LRRC37A2: variants seen among roughly 807,000 people sequenced by gnomAD.
LRRC37A2 encodes leucine rich repeat containing 37 member A2, also known as leucine-rich repeat-containing protein 37A2.
A neutral mutation model predicts 68.8 loss-of-function variants in LRRC37A2; 9 were observed. That is an observed-to-expected ratio of 0.13 (90% confidence interval 0.08 to 0.23). The LOEUF (loss-of-function observed/expected upper bound fraction) is 0.23. LRRC37A2 is among the 10% of genes least tolerant of loss of function. The pLI is 1.00. For missense variants in LRRC37A2, 168 were observed against 950.4 expected (o/e 0.18, Z 10.82); for synonymous variants, 63 against 367.6 (o/e 0.17, Z 9.48).
chr17:46,973,893 C>T, the LRRC37A2 span, among the ~76,000 whole-genome samples: 3 of 152,188 alleles, frequency 2.0e-5, no homozygotes, highest in Admixed American at 6.5e-5. Flanking sequence ...CCCGCCACCT[C>T]GCATGCTCCA....
chr17:46,741,121 G>A, the LRRC37A2 span, among the ~76,000 whole-genome samples: 1 of 152,064 alleles, frequency 6.6e-6, no homozygotes, highest in Non-Finnish European at 1.5e-5. Flanking sequence ...TAGCAATGAG[G>A]CCTGAACTGT....
At chr17:46,882,075 G>A in the LRRC37A2 span, among the ~76,000 whole-genome samples, 2 of 152,198 alleles carry the variant, frequency 1.3e-5, no homozygotes, top group African/African-American at 4.8e-5. Context: ...AAGATCGCTT[G>A]AGCCCAGGAG....
the LRRC37A2 span, among the ~76,000 whole-genome samples, chr17:46,759,203 C>T: frequency 1.3e-5 from 2 of 151,952 alleles, no homozygotes; most frequent in African/African-American, 2.4e-5. Context: ...ACTCTTGTCT[C>T]GAAAAATAAA....
chr17:46,543,638 T>G (rs984323678), intron 8 of LRRC37A2, among the ~76,000 whole-genome samples: 8 of 150,846 alleles, frequency 5.3e-5, no homozygotes, highest in African/African-American at 2.0e-4. Context: ...CAACTGACTC[T>G]CAAATGGTTT....
the LRRC37A2 span, among the ~76,000 whole-genome samples, chr17:46,884,749 C>T: frequency 6.6e-6 from 1 of 152,250 alleles, no homozygotes; most frequent in East Asian, 1.9e-4. Flanking sequence ...GACCACTTGC[C>T]TGAGGTCACA....
the LRRC37A2 span, among the ~76,000 whole-genome samples, chr17:46,717,697 G>A: frequency 6.6e-6 from 1 of 152,186 alleles, no homozygotes; most frequent in Non-Finnish European, 1.5e-5. Flanking sequence ...GGGCGACAGA[G>A]CAAGACTCCA....
At chr17:46,969,439 C>T in the LRRC37A2 span, among the ~76,000 whole-genome samples, 3 of 152,328 alleles carry the variant, frequency 2.0e-5, no homozygotes, top group African/African-American at 7.2e-5. Context: ...TCCCACTGGG[C>T]TGTTTCCCCT....
chr17:46,714,419 A>G, the LRRC37A2 span, among the ~76,000 whole-genome samples: 1 of 152,236 alleles, frequency 6.6e-6, no homozygotes. Flanking sequence ...TCCCTACAAA[A>G]GGATAGTTTT....
At chr17:46,519,431 CAAG>C (rs1467134896) in intron 3 of LRRC37A2, among the ~76,000 whole-genome samples, 1 of 127,994 alleles carries the variant, frequency 7.8e-6, no homozygotes, top group Non-Finnish European at 1.6e-5. Context: ...ATTTTAAAAA[CAAG>C]AAAATTATTA....
At chr17:46,760,991 C>G in the LRRC37A2 span, among the ~76,000 whole-genome samples, 2,168 of 152,282 alleles carry the variant, frequency 0.014, 45 homozygotes, top group African/African-American at 0.05. Flanking sequence ...CTTCCAAAGT[C>G]TGAAATATTT....
At chr17:46,983,289 CTTTTTTTTTTTTTTT>C in the LRRC37A2 span, among the ~76,000 whole-genome samples, 3 of 76,868 alleles carry the variant, frequency 3.9e-5, no homozygotes, top group South Asian at 5.0e-4. Flanking sequence ...GCCCTTTCTT[CTTTTTTTTTTTTTTT>C]TTTTTTTTTT....
chr17:46,990,541 C>G, the LRRC37A2 span, among the ~76,000 whole-genome samples: 1 of 152,204 alleles, frequency 6.6e-6, no homozygotes, highest in Non-Finnish European at 1.5e-5. Context: ...TCACACCACA[C>G]CAGGAACCAG....
At chr17:46,854,589 T>C in the LRRC37A2 span, among the ~76,000 whole-genome samples, 1 of 152,282 alleles carries the variant, frequency 6.6e-6, no homozygotes, top group East Asian at 1.9e-4. Context: ...GTTCTGCTGC[T>C]TTTGAGTGAG....
the LRRC37A2 span, among the ~76,000 whole-genome samples, chr17:46,909,339 G>A: frequency 6.6e-6 from 1 of 152,288 alleles, no homozygotes; most frequent in Non-Finnish European, 1.5e-5. Context: ...GAAGATGCAT[G>A]TATTTAATAT....
At chr17:46,741,987 C>A in the LRRC37A2 span, among the ~76,000 whole-genome samples, 8 of 152,178 alleles carry the variant, frequency 5.3e-5, no homozygotes, top group Non-Finnish European at 8.8e-5. Flanking sequence ...AACTCCTGAC[C>A]TCGTGATCCA....
At chr17:46,497,555 T>C in the LRRC37A2 span, among the ~76,000 whole-genome samples, 20 of 149,104 alleles carry the variant, frequency 1.3e-4, no homozygotes, top group Non-Finnish European at 2.5e-4. Context: ...ATTGCAAACA[T>C]ATAGGTTTCT....
At chr17:46,964,227 G>A in the LRRC37A2 span, 1 of 152,226 alleles carries the variant, frequency 6.6e-6, no homozygotes, top group Non-Finnish European at 1.5e-5. Flanking sequence ...AGTCCACAGA[G>A]GAGGTGTGGC....
the LRRC37A2 span, among the ~76,000 whole-genome samples, chr17:46,842,801 C>T: frequency 3.9e-5 from 6 of 152,216 alleles, no homozygotes; most frequent in Admixed American, 3.3e-4. Flanking sequence ...ACCATCCAGA[C>T]AGAAGCTATG....
At chr17:46,769,731 G>C in the LRRC37A2 span, 3 of 1,599,150 alleles carry the variant, frequency 1.9e-6, no homozygotes, top group Non-Finnish European at 2.5e-6. Context: ...AGCTCCGGAG[G>C]GGAAGCGGGG....
Sources: gnomAD v4.1 joint callset for allele counts (sites outside exome capture counted in the v4.1 genomes callset) on GRCh38, gnomAD v4.1.1 for gene constraint, MANE v1.5 for transcripts, NCBI Gene and HGNC (gene_info 2026-07-23, HGNC 2026-07-21) for gene names.